FAM107B: variants seen among roughly 807,000 people sequenced by gnomAD.
FAM107B encodes the protein protein FAM107B.
In FAM107B, 21 loss-of-function variants were observed where a neutral mutation model predicts 31.5. The ratio of observed to expected loss-of-function variants is 0.67; its 90% CI spans 0.47 to 0.96. The LOEUF (loss-of-function observed/expected upper bound fraction) is 0.96. FAM107B is among the 40% of genes least tolerant of loss of function. The pLI is 0.00. For missense variants in FAM107B, 452 were observed against 377.1 expected, an observed-to-expected ratio of 1.20 and a Z score of -1.64; for synonymous variants, 157 against 141.5, an observed-to-expected ratio of 1.11 and a Z score of -0.78.
intron 2 of FAM107B, among the ~76,000 whole-genome samples, chr10:14,631,942 G>C (rs976397710): frequency 1.3e-5 from 2 of 152,116 alleles, no homozygotes; most frequent in Non-Finnish European, 2.9e-5. Context: ...GCACAAGCTT[G>C]TAGCCCACGA....
intron 2 of FAM107B, among the ~76,000 whole-genome samples, chr10:14,658,539 T>C (rs1382411348): frequency 3.9e-5 from 6 of 152,250 alleles, no homozygotes; most frequent in African/African-American, 1.4e-4. Flanking sequence ...CATTCATTCA[T>C]GCATGCATAC....
intron 2 of FAM107B, among the ~76,000 whole-genome samples, chr10:14,539,758 C>A (rs529945493): frequency 3.3e-4 from 51 of 152,248 alleles, no homozygotes; most frequent in African/African-American, 1.2e-3. Context: ...ACTATAACAG[C>A]CCCTTGTCTT....
chr10:14,536,984 T>C (rs1003012836), intron 2 of FAM107B, among the ~76,000 whole-genome samples: 2 of 152,196 alleles, frequency 1.3e-5, no homozygotes, highest in Admixed American at 6.5e-5. Flanking sequence ...ATTTTATATT[T>C]AGAAAATGGC....
At chr10:14,729,998 T>C (rs1588737578) in intron 1 of FAM107B, among the ~76,000 whole-genome samples, 1 of 151,800 alleles carries the variant, frequency 6.6e-6, no homozygotes, top group Non-Finnish European at 1.5e-5. Context: ...TGAGAACACA[T>C]GGACACAGGG....
chr10:14,661,864 T>A (rs780950670), intron 2 of FAM107B, among the ~76,000 whole-genome samples: 1 of 152,230 alleles, frequency 6.6e-6, no homozygotes, highest in Non-Finnish European at 1.5e-5. Context: ...GAGAGTCACA[T>A]AGTGAGGCTT....
chr10:14,684,973 A>T (rs188823441), intron 1 of FAM107B, among the ~76,000 whole-genome samples: 97 of 151,920 alleles, frequency 6.4e-4, no homozygotes, highest in Non-Finnish European at 2.9e-4. Context: ...GGCGTGCACT[A>T]CTATGCCTGG....
At chr10:14,735,341 G>A (rs910937107) in intron 1 of FAM107B, among the ~76,000 whole-genome samples, 1 of 151,700 alleles carries the variant, frequency 6.6e-6, no homozygotes, top group Non-Finnish European at 1.5e-5. Flanking sequence ...AATCTTATGT[G>A]TGGCCCAAGA....
chr10:14,724,931 T>C (rs1471940576), intron 1 of FAM107B, among the ~76,000 whole-genome samples: 2 of 152,154 alleles, frequency 1.3e-5, no homozygotes, highest in Non-Finnish European at 2.9e-5. Context: ...GGCTCAAAAG[T>C]AAACATTTGC....
intron 1 of FAM107B, among the ~76,000 whole-genome samples, chr10:14,725,371 C>G (rs1339191725): frequency 6.6e-6 from 1 of 152,206 alleles, no homozygotes; most frequent in East Asian, 1.9e-4. Context: ...CACAGAATAT[C>G]TTTAACTCTG....
intron 1 of FAM107B, among the ~76,000 whole-genome samples, chr10:14,706,330 T>A (rs779943912): frequency 6.6e-6 from 1 of 152,028 alleles, no homozygotes; most frequent in Non-Finnish European, 1.5e-5. Flanking sequence ...ACAGCTAAAG[T>A]ATCCCTCTTG....
chr10:14,619,625 A>T (rs1852947194), intron 2 of FAM107B, among the ~76,000 whole-genome samples: 1 of 147,230 alleles, frequency 6.8e-6, no homozygotes, highest in African/African-American at 2.5e-5. Context: ...TTCCTTAACA[A>T]TGTATTTTGA....
At chr10:14,701,118 C>T (rs1855389370) in intron 1 of FAM107B, among the ~76,000 whole-genome samples, 1 of 152,140 alleles carries the variant, frequency 6.6e-6, no homozygotes, top group Non-Finnish European at 1.5e-5. Context: ...CCTAATTTCA[C>T]CTTATGTTCT....
chr10:14,675,018 C>CATTG (rs1447493857), intron 1 of FAM107B, among the ~76,000 whole-genome samples: 14 of 152,168 alleles, frequency 9.2e-5, no homozygotes, highest in African/African-American at 3.4e-4. Flanking sequence ...CCCTTCTCTG[C>CATTG]ACTGATTTAA....
At position 14,528,812 on chromosome 10, in the gene FAM107B, C is replaced by T. The variant is rs568699474; in HGVS notation, c.653+1520G>A. Among the ~76,000 whole-genome samples, 269 of 152,254 alleles carry T rather than the reference C, an allele frequency of 1.8e-3. 1 individual carries two copies. Among genetic ancestry groups the T allele is most frequent in the Non-Finnish European group, 2.6e-3 (174 of 68,038 alleles). On this transcript the variant is annotated intron_variant, in intron 3 of 4. Coordinates refer to ENST00000181796, the MANE Select transcript of FAM107B (RefSeq NM_031453.4). The stretch of plus-strand genomic sequence containing the variant: ...AAATCTGTAGGTTTTACAGCAATGA[C>T]CCAAACTACTAAATATATTTTTGCA...
intron 1 of FAM107B, among the ~76,000 whole-genome samples, chr10:14,673,820 G>A (rs1482441708): frequency 6.6e-6 from 1 of 152,138 alleles, no homozygotes; most frequent in Non-Finnish European, 1.5e-5. Context: ...ACTGGGGTGA[G>A]ATGATATCTC....
At chr10:14,767,036 A>ATATATGTATG (rs1451070455) in intron 1 of FAM107B, among the ~76,000 whole-genome samples, 2 of 30,508 alleles carry the variant, frequency 6.6e-5, no homozygotes, top group South Asian at 2.4e-3. Flanking sequence ...ATATATATAT[A>ATATATGTATG]TATATATATA....
chr10:14,591,712 ACAGT>A (rs1852025843), intron 2 of FAM107B, among the ~76,000 whole-genome samples: 1 of 152,238 alleles, frequency 6.6e-6, no homozygotes, highest in East Asian at 1.9e-4. Context: ...TACACGTGAG[ACAGT>A]CAGACCTTTT....
At chr10:14,727,615 TGA>T (rs1480788158) in intron 1 of FAM107B, among the ~76,000 whole-genome samples, 7 of 152,250 alleles carry the variant, frequency 4.6e-5, no homozygotes, top group Non-Finnish European at 8.8e-5. Flanking sequence ...GGGATAATTC[TGA>T]GACATGTGTT....
At chr10:14,579,653 T>A (rs1214794736) in intron 2 of FAM107B, among the ~76,000 whole-genome samples, 1 of 152,194 alleles carries the variant, frequency 6.6e-6, no homozygotes, top group Non-Finnish European at 1.5e-5. Context: ...AAACCAAGTT[T>A]GTTACTCAAT....
Sources: gnomAD v4.1 joint callset for allele counts (sites outside exome capture counted in the v4.1 genomes callset) on GRCh38, gnomAD v4.1.1 for gene constraint, MANE v1.5 for transcripts, NCBI Gene and HGNC (gene_info 2026-07-23, HGNC 2026-07-21) for gene names.